NKAIN2: variants seen among roughly 807,000 people sequenced by gnomAD.
NKAIN2 encodes the protein sodium/potassium-transporting ATPase subunit beta-1-interacting protein 2.
Under a neutral mutation model 32.6 loss-of-function variants are expected in NKAIN2, and 14 were observed. The observed-to-expected ratio is 0.43, with a 90% CI of 0.28 to 0.67. NKAIN2 has a LOEUF of 0.67. Ranked by LOEUF, NKAIN2 falls within the 30% of genes least tolerant of loss-of-function variation. NKAIN2 has a pLI of 0.17. For missense variants in NKAIN2, 198 were observed against 258.3 expected (o/e 0.77, Z 1.60); for synonymous variants, 80 against 87.2 (o/e 0.92, Z 0.46).
intron 4 of NKAIN2, among the ~76,000 whole-genome samples, chr6:124,671,228 T>C (rs76415529): frequency 1.3e-5 from 2 of 152,124 alleles, no homozygotes; most frequent in African/African-American, 4.8e-5. Flanking sequence ...TAGATTGGAA[T>C]TGAGGTATCA....
intron 1 of NKAIN2, among the ~76,000 whole-genome samples, chr6:124,229,333 A>C (rs1456082561): frequency 6.6e-6 from 1 of 152,192 alleles, no homozygotes; most frequent in Non-Finnish European, 1.5e-5. Flanking sequence ...TGACCTAGCC[A>C]TGAAGATATA....
At chr6:124,517,239 C>T (rs1042196496) in intron 3 of NKAIN2, among the ~76,000 whole-genome samples, 23 of 152,078 alleles carry the variant, frequency 1.5e-4, no homozygotes, top group African/African-American at 5.3e-4. Context: ...GTTATATCCT[C>T]GGAAATTAGA....
At chr6:124,073,896 A>G (rs1005876414) in intron 1 of NKAIN2, among the ~76,000 whole-genome samples, 1 of 152,030 alleles carries the variant, frequency 6.6e-6, no homozygotes, top group African/African-American at 2.4e-5. Context: ...GTAATCTAAA[A>G]CCATTTCCCT....
At chr6:124,216,471 T>C (rs1005180985) in intron 1 of NKAIN2, among the ~76,000 whole-genome samples, 3 of 152,348 alleles carry the variant, frequency 2.0e-5, no homozygotes, top group South Asian at 4.1e-4. Context: ...AACACGCATA[T>C]GCCCAACTGA....
At chr6:123,949,520 C>G (rs1436329453) in intron 1 of NKAIN2, among the ~76,000 whole-genome samples, 1 of 151,862 alleles carries the variant, frequency 6.6e-6, no homozygotes, top group Non-Finnish European at 1.5e-5. Flanking sequence ...CTTTCACCCA[C>G]TTTGTTGAAT....
At chr6:124,059,999 T>G (rs1007678228) in intron 1 of NKAIN2, among the ~76,000 whole-genome samples, 5 of 152,198 alleles carry the variant, frequency 3.3e-5, no homozygotes, top group African/African-American at 1.2e-4. Flanking sequence ...TTTTTGTCTA[T>G]GAGTGTTTCC....
chr6:123,867,126 C>CTAAG (rs1309442826), intron 1 of NKAIN2, among the ~76,000 whole-genome samples: 2 of 152,192 alleles, frequency 1.3e-5, no homozygotes, highest in African/African-American at 4.8e-5. Flanking sequence ...TAATCAGCTA[C>CTAAG]TAAGTCTTCA....
At chr6:124,092,945 T>G (rs1784496768) in intron 1 of NKAIN2, among the ~76,000 whole-genome samples, 1 of 152,048 alleles carries the variant, frequency 6.6e-6, no homozygotes. Context: ...TTCTCTCTAT[T>G]TAATCCACTT....
intron 1 of NKAIN2, among the ~76,000 whole-genome samples, chr6:124,211,698 T>TA (rs1297984223): frequency 6.6e-6 from 1 of 152,094 alleles, no homozygotes; most frequent in Non-Finnish European, 1.5e-5. Context: ...TGAATGTAGA[T>TA]ATATAATCTG....
At chr6:124,595,278 G>T (rs1782043072) in intron 3 of NKAIN2, among the ~76,000 whole-genome samples, 1 of 152,092 alleles carries the variant, frequency 6.6e-6, no homozygotes, top group Non-Finnish European at 1.5e-5. Context: ...TTCACCTTCA[G>T]CACTCCCTTT....
chr6:123,825,247 C>T (rs964293942), intron 1 of NKAIN2, among the ~76,000 whole-genome samples: 4 of 152,094 alleles, frequency 2.6e-5, no homozygotes, highest in African/African-American at 4.8e-5. Context: ...GATTTCAACA[C>T]GTGGATTTTG....
At chr6:123,862,856 T>G (rs1474859296) in intron 1 of NKAIN2, among the ~76,000 whole-genome samples, 1 of 152,212 alleles carries the variant, frequency 6.6e-6, no homozygotes, top group African/African-American at 2.4e-5. Context: ...CAGTCATGTA[T>G]CTGTCATTTT....
intron 3 of NKAIN2, among the ~76,000 whole-genome samples, chr6:124,537,617 C>T (rs543608410): frequency 3.9e-5 from 6 of 152,186 alleles, no homozygotes; most frequent in Non-Finnish European, 8.8e-5. Context: ...TTTGTGTATG[C>T]TTGATTTATC....
chr6:123,922,957 A>G (rs565578865), intron 1 of NKAIN2, among the ~76,000 whole-genome samples: 33 of 152,290 alleles, frequency 2.2e-4, no homozygotes, highest in African/African-American at 7.0e-4. Context: ...TAGCTAGTAT[A>G]TAACTTGAGA....
chr6:123,830,228 T>C (rs918644547), intron 1 of NKAIN2, among the ~76,000 whole-genome samples: 2 of 152,158 alleles, frequency 1.3e-5, no homozygotes, highest in African/African-American at 4.8e-5. Flanking sequence ...CACTTCCACA[T>C]GTCCTCTGGC....
intron 5 of NKAIN2, among the ~76,000 whole-genome samples, chr6:124,808,172 A>G (rs1344442483): frequency 6.6e-6 from 1 of 151,970 alleles, no homozygotes; most frequent in Non-Finnish European, 1.5e-5. Flanking sequence ...CCAGGCAGAG[A>G]CACAACCAAA....
intron 3 of NKAIN2, among the ~76,000 whole-genome samples, chr6:124,432,201 G>T (rs979651912): frequency 6.6e-6 from 1 of 152,162 alleles, no homozygotes; most frequent in African/African-American, 2.4e-5. Flanking sequence ...TTCTGGGTCA[G>T]AAAGTCAGGG....
rs1187240841 is a variant in NKAIN2 at position 124,086,276 on chromosome 6, A to T, written c.55-196729A>T. 4.6e-5 allele frequency among the ~76,000 whole-genome samples: 7 copies of T among 151,988 alleles called. No individual in the cohort carries two copies. In the East Asian group the frequency reaches 1.3e-3, roughly 29 times the overall value. The stretch of plus-strand genomic sequence containing the variant: ...TGTGTTTGAAATATGACTGGTTAGT[A>T]AACTTTGGAGTTTGACAAACTATAT... On this transcript the variant is annotated intron_variant, in intron 1 of 6. Transcript: ENST00000368417.
At chr6:124,434,094 A>C (rs991493033) in intron 3 of NKAIN2, among the ~76,000 whole-genome samples, 4 of 152,158 alleles carry the variant, frequency 2.6e-5, no homozygotes, top group African/African-American at 9.7e-5. Context: ...GAGAAAACAG[A>C]CTTTGATCTA....
Sources: gnomAD v4.1 joint callset for allele counts (sites outside exome capture counted in the v4.1 genomes callset) on GRCh38, gnomAD v4.1.1 for gene constraint, MANE v1.5 for transcripts, NCBI Gene and HGNC (gene_info 2026-07-23, HGNC 2026-07-21) for gene names.